The following ZNF385D variants were observed in gnomAD, a reference collection of about 807,000 sequenced individuals.
ZNF385D encodes zinc finger protein 385D.
Under a neutral mutation model 35.8 loss-of-function variants are expected in ZNF385D, and 15 were observed. That is an observed-to-expected ratio of 0.42 (90% CI 0.28 to 0.64). ZNF385D has a LOEUF of 0.64. Among genes scored for constraint, ZNF385D ranks in the 30% least tolerant of loss-of-function variants. The pLI, the probability that ZNF385D is intolerant of heterozygous loss-of-function variation, is 0.23. For synonymous variants in ZNF385D, 212 were observed against 186.8 expected (o/e 1.13, Z -1.10); for missense variants, 474 against 494.6 (o/e 0.96, Z 0.39).
At chr3:21,754,288 C>T (rs9879065), upstream of ZNF385D, among the ~76,000 whole-genome samples, 92,900 of 151,888 alleles carry the variant, frequency 0.61, 28,474 homozygotes, top group Middle Eastern at 0.69. Flanking sequence ...CTCAAGGGAG[C>T]GACTTAGCAG....
At chr3:21,739,035 A>AT (rs1481123050) in intron 1 of ZNF385D, among the ~76,000 whole-genome samples, 3 of 152,220 alleles carry the variant, frequency 2.0e-5, no homozygotes, top group Non-Finnish European at 4.4e-5. Context: ...TAATCATCAC[A>AT]TATCTAGCCG....
chr3:21,712,312 C>T (rs7611933), intron 1 of ZNF385D, among the ~76,000 whole-genome samples: 78,873 of 151,964 alleles, frequency 0.52, 21,167 homozygotes, highest in African/African-American at 0.66. Flanking sequence ...GAGCAGGATC[C>T]CTGCCCATTT....
intron 3 of ZNF385D, among the ~76,000 whole-genome samples, chr3:21,844,721 G>C (rs17009789): frequency 0.029 from 4,379 of 152,042 alleles, 170 homozygotes; most frequent in East Asian, 0.11. Context: ...GTTACAATCA[G>C]CAAAATTGCA....
At chr3:21,750,153 C>T (rs1335122548) in intron 1 of ZNF385D, among the ~76,000 whole-genome samples, 2 of 152,204 alleles carry the variant, frequency 1.3e-5, no homozygotes, top group African/African-American at 2.4e-5. Flanking sequence ...CAGTAAGTTG[C>T]GGCGTTAGAG....
chr3:21,500,831 G>T (rs1706303653), intron 4 of ZNF385D, among the ~76,000 whole-genome samples: 1 of 152,118 alleles, frequency 6.6e-6, no homozygotes, highest in Non-Finnish European at 1.5e-5. Context: ...CGTTTTTAAA[G>T]ACATTTCTTG....
intron 3 of ZNF385D, among the ~76,000 whole-genome samples, chr3:21,816,725 G>C (rs1018642170): frequency 6.6e-6 from 1 of 152,138 alleles, no homozygotes; most frequent in African/African-American, 2.4e-5. Flanking sequence ...CTCATAGATA[G>C]GAAGAATCAA....
intron 3 of ZNF385D, among the ~76,000 whole-genome samples, chr3:21,959,786 G>C (rs1043988263): frequency 1.3e-5 from 2 of 152,132 alleles, no homozygotes; most frequent in African/African-American, 2.4e-5. Flanking sequence ...GCAAAATAGA[G>C]AATCTGACCT....
chr3:21,958,702 A>G (rs1227935522), intron 3 of ZNF385D: 1 of 152,180 alleles, frequency 6.6e-6, no homozygotes, highest in East Asian at 1.9e-4. Flanking sequence ...TTACTGCAGA[A>G]AGCTTCACAA....
chr3:22,144,084 A>G (rs997503091), intron 3 of ZNF385D, among the ~76,000 whole-genome samples: 10 of 152,192 alleles, frequency 6.6e-5, no homozygotes, highest in African/African-American at 2.4e-4. Context: ...ATGTTTTATA[A>G]AAGAATGTGG....
At chr3:21,847,315 C>A (rs75522796) in intron 3 of ZNF385D, among the ~76,000 whole-genome samples, 1 of 151,964 alleles carries the variant, frequency 6.6e-6, no homozygotes, top group Non-Finnish European at 1.5e-5. Flanking sequence ...TGGAGTTCCA[C>A]TGTTTAAGAA....
chr3:21,862,048 A>G (rs1697082117), intron 3 of ZNF385D, among the ~76,000 whole-genome samples: 1 of 152,156 alleles, frequency 6.6e-6, no homozygotes, highest in Admixed American at 6.6e-5. Context: ...TTATGGTTTT[A>G]TAAGTATATA....
intron 3 of ZNF385D, among the ~76,000 whole-genome samples, chr3:21,942,983 C>G (rs889549447): frequency 6.6e-6 from 1 of 152,136 alleles, no homozygotes; most frequent in Admixed American, 6.5e-5. Flanking sequence ...ACACTGGAAT[C>G]TTCATGACAA....
intron 2 of ZNF385D, among the ~76,000 whole-genome samples, chr3:22,196,219 A>C (rs1411334642): frequency 6.6e-6 from 1 of 152,100 alleles, no homozygotes; most frequent in Non-Finnish European, 1.5e-5. Flanking sequence ...AATAGGTGGA[A>C]AACAGTTACA....
At chr3:21,453,614 A>T (rs180993497) in intron 4 of ZNF385D, among the ~76,000 whole-genome samples, 85 of 152,196 alleles carry the variant, frequency 5.6e-4, no homozygotes, top group African/African-American at 2.0e-3. Context: ...ACATGAAAAG[A>T]TGCTCAACAT....
At chr3:21,974,900 C>A (rs1221662475) in intron 3 of ZNF385D, among the ~76,000 whole-genome samples, 1 of 151,956 alleles carries the variant, frequency 6.6e-6, no homozygotes, top group African/African-American at 2.4e-5. Flanking sequence ...AGGGTTTTGT[C>A]CAAAAGACAG....
At chr3:21,853,888 G>A (rs1696559374) in intron 3 of ZNF385D, among the ~76,000 whole-genome samples, 1 of 151,666 alleles carries the variant, frequency 6.6e-6, no homozygotes, top group East Asian at 1.9e-4. Flanking sequence ...GTTCAAGAAA[G>A]GCAATATAAA....
At chr3:22,151,439 A>G (rs543190377) in intron 3 of ZNF385D, among the ~76,000 whole-genome samples, 1 of 152,280 alleles carries the variant, frequency 6.6e-6, no homozygotes, top group African/African-American at 2.4e-5. Context: ...TAGAGTTTGA[A>G]TAGAGATTGC....
At chr3:21,820,553 A>G (rs2125732976) in intron 3 of ZNF385D, among the ~76,000 whole-genome samples, 1 of 151,516 alleles carries the variant, frequency 6.6e-6, no homozygotes, top group East Asian at 1.9e-4. Context: ...CAATAAATTA[A>G]TAATTTATGA....
chr3:21,961,702 G>C (rs1702604932), intron 3 of ZNF385D, among the ~76,000 whole-genome samples: 2 of 152,054 alleles, frequency 1.3e-5, no homozygotes, highest in Non-Finnish European at 2.9e-5. Context: ...TGAATGGATT[G>C]CATCCATATA....
Sources: allele counts gnomAD v4.1 joint callset (sites outside exome capture counted in the v4.1 genomes callset), GRCh38; gene constraint gnomAD v4.1.1; transcripts MANE v1.5; gene names NCBI Gene and HGNC (gene_info 2026-07-23, HGNC 2026-07-21).